The following KDM4C variants were observed in gnomAD, a reference collection of about 807,000 sequenced individuals.
The protein encoded by KDM4C is lysine demethylase 4C.
A neutral mutation model predicts 129.3 loss-of-function variants in KDM4C; 81 were observed. The ratio of observed to expected loss-of-function variants is 0.63; its 90% confidence interval spans 0.52 to 0.75. KDM4C has a LOEUF of 0.75. Ranked by LOEUF, KDM4C falls within the 30% of genes least tolerant of loss-of-function variation. The pLI is 0.00. For missense variants in KDM4C, 1,457 were observed against 1,304.0 expected, an observed-to-expected ratio of 1.12 and a Z score of -1.81; for synonymous variants, 573 against 456.1, an observed-to-expected ratio of 1.26 and a Z score of -3.26.
At chr9:7,157,958 G>C (rs1843366283) in intron 19 of KDM4C, among the ~76,000 whole-genome samples, 1 of 152,184 alleles carries the variant, frequency 6.6e-6, no homozygotes, top group South Asian at 2.1e-4. Context: ...ACCTCTGATA[G>C]AATTCGGCTG....
intron 8 of KDM4C, chr9:6,975,002 G>A (rs981948336): frequency 1.3e-5 from 2 of 152,208 alleles, no homozygotes; most frequent in African/African-American, 4.8e-5. Context: ...AGACCCCGGA[G>A]CAAACTATTT....
rs1835802679 is a variant in KDM4C, at chr9:6,835,974, T to G, written c.436-13533T>G. 1.3e-5 allele frequency among the ~76,000 whole-genome samples: 2 copies of G among 152,166 alleles called. 1 individual carries two copies. The highest frequency in any genetic ancestry group is 4.1e-4 in the South Asian group (2 of 4,830). ...TTCTTGTAAATTAGGTAATGCAAAT[T>G]TTTTTAAATTTTTGCCTTAATACTT... On this transcript the variant is annotated intron_variant, in intron 4 of 21. Coordinates refer to ENST00000381309, the MANE Select transcript of KDM4C (RefSeq NM_015061.6).
chr9:7,091,749 A>T (rs1835828417), intron 17 of KDM4C, among the ~76,000 whole-genome samples: 1 of 152,228 alleles, frequency 6.6e-6, no homozygotes. Flanking sequence ...GAAAATGGGA[A>T]GCAAGGGTTG....
intron 8 of KDM4C, among the ~76,000 whole-genome samples, chr9:6,950,514 A>G (rs1197558665): frequency 6.6e-6 from 1 of 152,182 alleles, no homozygotes; most frequent in Non-Finnish European, 1.5e-5. Flanking sequence ...GACAGTTGTT[A>G]ATATGGATCC....
intron 18 of KDM4C, among the ~76,000 whole-genome samples, chr9:7,115,869 C>T (rs569438896): frequency 6.6e-6 from 1 of 152,346 alleles, no homozygotes; most frequent in South Asian, 2.1e-4. Flanking sequence ...CTGGGCTCTG[C>T]ACATTTCTCA....
At chr9:7,028,828 T>C (rs748483454) in intron 15 of KDM4C, among the ~76,000 whole-genome samples, 4 of 152,164 alleles carry the variant, frequency 2.6e-5, no homozygotes, top group Non-Finnish European at 5.9e-5. Context: ...AGGTTTGCTT[T>C]CTCTTGTAAC....
chr9:6,932,535 G>A (rs1052247501), intron 8 of KDM4C, among the ~76,000 whole-genome samples: 6 of 152,164 alleles, frequency 3.9e-5, no homozygotes, highest in Non-Finnish European at 8.8e-5. Context: ...CATAGCAGTA[G>A]CAGTAGCAGC....
intron 11 of KDM4C, 108 bp downstream of exon 11, chr9:6,986,774 A>G (rs749360782): frequency 2.6e-5 from 20 of 769,030 alleles, no homozygotes; most frequent in Non-Finnish European, 4.1e-5. Flanking sequence ...GATAAATAAC[A>G]TTTTACATTT....
intron 1 of KDM4C, among the ~76,000 whole-genome samples, chr9:6,735,758 A>G (rs1320987636): frequency 1.3e-5 from 2 of 152,166 alleles, no homozygotes; most frequent in Non-Finnish European, 2.9e-5. Context: ...GGACTCATAC[A>G]TTAAATTGGT....
At chr9:7,090,035 A>G (rs1029604056) in intron 17 of KDM4C, among the ~76,000 whole-genome samples, 16 of 152,148 alleles carry the variant, frequency 1.1e-4, no homozygotes, top group African/African-American at 3.9e-4. Flanking sequence ...TTTGTACTTG[A>G]TTGTGACCTT....
intron 17 of KDM4C, among the ~76,000 whole-genome samples, chr9:7,064,793 C>G (rs1393267663): frequency 1.3e-5 from 2 of 152,088 alleles, no homozygotes; most frequent in Non-Finnish European, 2.9e-5. Flanking sequence ...TTAATAGTGA[C>G]TGAAGGTATG....
intron 17 of KDM4C, among the ~76,000 whole-genome samples, chr9:7,085,536 G>T (rs1225797561): frequency 6.6e-6 from 1 of 152,162 alleles, no homozygotes; most frequent in Non-Finnish European, 1.5e-5. Flanking sequence ...CCCTGGAACA[G>T]CTCTGGTCTA....
intron 10 of KDM4C, among the ~76,000 whole-genome samples, chr9:6,984,822 A>AACG (rs1027771002): frequency 3.9e-5 from 6 of 152,004 alleles, no homozygotes; most frequent in African/African-American, 1.4e-4. Flanking sequence ...TAAGAACAAC[A>AACG]ATAATGAAAA....
At chr9:6,792,633 C>T (rs1330478148) in intron 1 of KDM4C, among the ~76,000 whole-genome samples, 4 of 152,070 alleles carry the variant, frequency 2.6e-5, no homozygotes, top group East Asian at 1.9e-4. Flanking sequence ...GTGATCTGCC[C>T]GTCTTGGCCC....
At chr9:7,070,919 C>T (rs1049461669) in intron 17 of KDM4C, among the ~76,000 whole-genome samples, 1 of 152,064 alleles carries the variant, frequency 6.6e-6, no homozygotes, top group Non-Finnish European at 1.5e-5. Context: ...ATGATTATTT[C>T]CATAAAGTCC....
chr9:6,940,010 C>T (rs1328477325), intron 8 of KDM4C, among the ~76,000 whole-genome samples: 1 of 131,742 alleles, frequency 7.6e-6, no homozygotes, highest in Non-Finnish European at 1.7e-5. Context: ...TCCTTCCTTC[C>T]TTCCTTCCTT....
intron 8 of KDM4C, among the ~76,000 whole-genome samples, chr9:6,935,248 C>G (rs1018901917): frequency 6.6e-6 from 1 of 152,012 alleles, no homozygotes; most frequent in African/African-American, 2.4e-5. Flanking sequence ...TAGGCATATC[C>G]TTGGCATGTT....
intron 1 of KDM4C, among the ~76,000 whole-genome samples, chr9:6,782,772 G>C (rs973647780): frequency 1.3e-5 from 2 of 152,158 alleles, no homozygotes; most frequent in African/African-American, 2.4e-5. Context: ...AGCATCATCA[G>C]TTTTGTGTCT....
intron 8 of KDM4C, among the ~76,000 whole-genome samples, chr9:6,937,969 C>T (rs750674325): frequency 2.0e-5 from 3 of 152,130 alleles, no homozygotes; most frequent in Admixed American, 6.5e-5. Context: ...TCCTTGGCCT[C>T]CCAAAGTGCT....
Sources: gnomAD v4.1 joint callset for allele counts (sites outside exome capture counted in the v4.1 genomes callset) on GRCh38, gnomAD v4.1.1 for gene constraint, MANE v1.5 for transcripts, NCBI Gene and HGNC (gene_info 2026-07-23, HGNC 2026-07-21) for gene names.